DMXL2: variants seen among roughly 807,000 people sequenced by gnomAD.
The protein encoded by DMXL2 is Dmx like 2.
A neutral mutation model predicts 331.1 loss-of-function variants in DMXL2; 103 were observed. That is an observed-to-expected ratio of 0.31 (90% CI 0.27 to 0.37). DMXL2 has a LOEUF of 0.37. Ranked by LOEUF, DMXL2 falls within the 10% of genes least tolerant of loss-of-function variation. The probability of loss-of-function intolerance (pLI) is 1.00; values close to 1 mark genes in which losing one functional copy is unlikely to be tolerated. For synonymous variants in DMXL2, 1,281 were observed against 1,252.1 expected (o/e 1.02, Z -0.49); for missense variants, 3,171 against 3,642.9 (o/e 0.87, Z 3.33).
rs113180391 is a variant in DMXL2, at chr15:51,486,964, C to A, written c.5218-627G>T. On this transcript the variant is annotated intron_variant, in intron 22 of 43. Transcript: ENST00000560891. Reference sequence around the variant, plus strand: ...TGCCTGGGATAATTGTAAAAAAAAACCCAACTAATTCTAAATTTAAAATAC... The same window carrying A: ...TGCCTGGGATAATTGTAAAAAAAAAACCAACTAATTCTAAATTTAAAATAC... Among the ~76,000 whole-genome samples the A allele has an allele frequency of 5.3e-3, 807 of 151,954 alleles. 9 individuals carry two copies. The highest frequency in any genetic ancestry group is 0.018 in the African/African-American group (748 of 41,448).
In DMXL2 at chr15:51,549,022, C is replaced by T. The variant is rs142921467; in HGVS notation, c.568-1614G>A. On this transcript the variant is annotated intron_variant, in intron 6 of 43. Coordinates refer to ENST00000560891, the MANE Select transcript of DMXL2 (RefSeq NM_001378457.1). ...TAGTGTTTGGTTACATGAATAAGTT[C>T]TTCAGTGGTGATTTGTGGGATTTTG... Among the ~76,000 whole-genome samples the T allele has an allele frequency of 9.5e-3, 1,446 of 151,790 alleles. 20 individuals are homozygous for T. Among genetic ancestry groups the T allele is most frequent in the African/African-American group, 0.034 (1,392 of 41,398 alleles).
intron 9 of DMXL2, among the ~76,000 whole-genome samples, chr15:51,539,029 G>GT (rs2048440280): frequency 6.6e-6 from 1 of 152,012 alleles, no homozygotes; most frequent in Non-Finnish European, 1.5e-5. Flanking sequence ...GGGCAACACG[G>GT]TGAAGCCCCA....
In DMXL2 at chr15:51,500,942, A is replaced by G. The variant is rs137897393; in HGVS notation, c.2993-711T>C. Among the ~76,000 whole-genome samples, 5 of 152,366 alleles carry G rather than the reference A, an allele frequency of 3.3e-5. No homozygotes were observed. In the East Asian group the frequency reaches 9.6e-4, roughly 29 times the overall value. ...ATCAATAATTTCATTAACAGTGGGA[A>G]AGCTACTTAATCATCTGAGCCTATT... is the stretch of plus-strand genomic sequence containing the variant. On this transcript the variant is annotated intron_variant, in intron 17 of 43. Coordinates refer to ENST00000560891, the MANE Select transcript of DMXL2 (RefSeq NM_001378457.1).
intron 13 of DMXL2, among the ~76,000 whole-genome samples, chr15:51,529,336 TA>T (rs2047867070): frequency 1.3e-5 from 2 of 151,840 alleles, no homozygotes; most frequent in Admixed American, 6.6e-5. Context: ...TTTGAAAAGA[TA>T]AAACAAAATT....
intron 41 of DMXL2, among the ~76,000 whole-genome samples, chr15:51,452,899 A>ATACT (rs1201098335): frequency 6.6e-6 from 1 of 152,244 alleles, no homozygotes; most frequent in Non-Finnish European, 1.5e-5. Flanking sequence ...ACACCATGGA[A>ATACT]TACTTCATAA....
intron 20 of DMXL2, among the ~76,000 whole-genome samples, chr15:51,490,838 A>G (rs2042742467): frequency 6.6e-6 from 1 of 152,226 alleles, no homozygotes; most frequent in Non-Finnish European, 1.5e-5. Context: ...ATACAAATCA[A>G]AACTGTTTTT....
Position 51,542,396 on chromosome 15 carries a change from T to C in DMXL2, c.1042A>G (p.Ile348Val), listed in dbSNP as rs757609648. The change falls in exon 9 of 44, where the codon ATT becomes GTT. Residue 348 changes from isoleucine (I) to valine (V), a missense_variant. By Grantham distance (29) the Ile-to-Val change is conservative. This residue lies in a region of DMXL2 where 1,674 missense variants were observed against 1,780.2 expected (regional missense o/e 0.94). Coordinates refer to ENST00000560891, the MANE Select transcript of DMXL2 (RefSeq NM_001378457.1). ...QTAMHEVQRH[I>V]SHHANALCHF... Reference sequence around the variant, plus strand: ...CAGAGTGCATTTGCATGGTGGGAAATGTGTCTTTGAACTTCATGCATTGCT... The same window carrying C: ...CAGAGTGCATTTGCATGGTGGGAAACGTGTCTTTGAACTTCATGCATTGCT... 3 of 1,613,722 alleles carry C rather than the reference T, an allele frequency of 1.9e-6. No individual in the cohort carries two copies. Among genetic ancestry groups the C allele is most frequent in the Non-Finnish European group, 2.5e-6 (3 of 1,179,846 alleles).
chr15:51,593,722 A>G (rs908501824), intron 1 of DMXL2, among the ~76,000 whole-genome samples: 14 of 152,232 alleles, frequency 9.2e-5, no homozygotes, highest in African/African-American at 2.9e-4. Context: ...TGTCTCTCAG[A>G]CCACAGTGCA....
intron 1 of DMXL2, among the ~76,000 whole-genome samples, chr15:51,581,237 T>C (rs537973096): frequency 6.6e-6 from 1 of 152,278 alleles, no homozygotes; most frequent in African/African-American, 2.4e-5. Flanking sequence ...CTGCACATGC[T>C]AGGGATGTAG....
In DMXL2 at chr15:51,546,697, A is replaced by T. The variant is rs186230985; in HGVS notation, c.746+533T>A. Among the ~76,000 whole-genome samples the T allele has an allele frequency of 2.2e-3, 333 of 152,256 alleles. 1 individual carries two copies. Among genetic ancestry groups the T allele is most frequent in the African/African-American group, 7.8e-3 (323 of 41,562 alleles). On this transcript the variant is annotated intron_variant, in intron 7 of 43. Coordinates refer to ENST00000560891, the MANE Select transcript of DMXL2 (RefSeq NM_001378457.1). ...ATGAGGAAAAAATGTATAATAAAAA[A>T]TCCTTTGAGAAGCTTCTGTTGACAG...
intron 34 of DMXL2, chr15:51,459,312 A>G (rs565122761): frequency 7.4e-4 from 174 of 236,052 alleles, no homozygotes; most frequent in Non-Finnish European, 1.1e-3. Flanking sequence ...TGGTGATGGG[A>G]AGGAAAGAAA....
intron 1 of DMXL2, among the ~76,000 whole-genome samples, chr15:51,585,952 A>G (rs963724345): frequency 1.3e-5 from 2 of 152,186 alleles, no homozygotes; most frequent in Admixed American, 6.5e-5. Context: ...AAGATACATA[A>G]AACTCCTACC....
Position 51,481,191 on chromosome 15 carries a change from T to C in DMXL2, c.5915A>G (p.Glu1972Gly). Reference sequence around the variant, plus strand: ...TTCACCCCAATCAAGATTAAGAGGTTCCTCATCAACTTTTACTATTGGCTG... The same window carrying C: ...TTCACCCCAATCAAGATTAAGAGGTCCCTCATCAACTTTTACTATTGGCTG... ...WSQPIVKVDEEPLNLDWGEDH... is the reference protein window; with the variant it reads ...WSQPIVKVDEGPLNLDWGEDH... The change falls in exon 24 of 44, where the codon GAA (glutamate) becomes GGA (glycine). Residue 1972 changes from glutamate (E) to glycine (G), a missense_variant. Around this residue, in one of 7 missense-constraint regions of DMXL2, gnomAD observed 244 missense variants for 251.4 expected, o/e 0.97. Transcript: ENST00000560891. The C allele has an allele frequency of 1.2e-6, 2 of 1,613,976 alleles. No homozygotes were observed. Among genetic ancestry groups the C allele is most frequent in the Non-Finnish European group, 1.7e-6 (2 of 1,179,892 alleles).
intron 27 of DMXL2, among the ~76,000 whole-genome samples, chr15:51,475,407 T>C (rs1453406473): frequency 6.6e-6 from 1 of 151,968 alleles, no homozygotes; most frequent in African/African-American, 2.4e-5. Flanking sequence ...GACAGGAGAA[T>C]TGCTTGAACC....
At chr15:51,526,290 G>A (rs576660588) in intron 13 of DMXL2, among the ~76,000 whole-genome samples, 2 of 152,266 alleles carry the variant, frequency 1.3e-5, no homozygotes, top group Admixed American at 1.3e-4. Flanking sequence ...TCCAGATCTT[G>A]TCCAAGACCA....
chr15:51,456,167 C>T lies in DMXL2; in HGVS notation c.8425G>A (p.Val2809Ile). 2 of 1,614,076 alleles carry T rather than the reference C, an allele frequency of 1.2e-6. No individual in the cohort carries two copies. Among genetic ancestry groups the T allele is most frequent in the Non-Finnish European group, 1.7e-6 (2 of 1,180,022 alleles). The change falls in exon 39 of 44, where the codon GTA becomes ATA. Residue 2809 changes from valine (V) to isoleucine (I), a missense_variant. Physicochemically the swap from Val to Ile is conservative, Grantham distance 29. This residue lies in a region of DMXL2 where 766 missense variants were observed against 940.5 expected (regional missense o/e 0.81). Coordinates refer to ENST00000560891, the MANE Select transcript of DMXL2 (RefSeq NM_001378457.1). ...YYLTGAQDGS[V>I]RMFEWTRPQQ... ...GGCCGCGTCCATTCAAACATTCGTA[C>T]ACTGCCGTCCTGAGCACCTGTAAGA...
Position 51,464,891 on chromosome 15 carries a change from AAT to A in DMXL2, c.7607-17_7607-16del, listed in dbSNP as rs747275730. ...TACAGGCAGCTCTACAAGGTGACAG[AAT>A]ATGTTATTTATTTTAATAAAAAATA... On this transcript the variant is annotated splice_polypyrimidine_tract_variant and intron_variant, in intron 31 of 43. Transcript: ENST00000560891. 6.3e-7 allele frequency: 1 copy of A among 1,582,552 alleles called. No homozygotes were observed. Among genetic ancestry groups the A allele is most frequent in the African/African-American group, 1.4e-5 (1 of 73,592 alleles).
intron 14 of DMXL2, among the ~76,000 whole-genome samples, chr15:51,514,961 G>A (rs1358697545): frequency 1.3e-5 from 2 of 152,024 alleles, no homozygotes; most frequent in African/African-American, 2.4e-5. Flanking sequence ...AGACACACTA[G>A]ACTACTACAC....
intron 1 of DMXL2, among the ~76,000 whole-genome samples, chr15:51,591,724 G>C (rs1323210374): frequency 6.6e-6 from 1 of 152,198 alleles, no homozygotes; most frequent in African/African-American, 2.4e-5. Flanking sequence ...ACTCCTCTGA[G>C]ACAAAACTTC....
Sources: allele counts gnomAD v4.1 joint callset (sites outside exome capture counted in the v4.1 genomes callset), GRCh38; gene constraint gnomAD v4.1.1; regional missense constraint gnomAD v4.1.1; transcripts MANE v1.5; gene names NCBI Gene and HGNC (gene_info 2026-07-23, HGNC 2026-07-21).